The following AQP9 variants were observed in gnomAD, a reference collection of about 807,000 sequenced individuals.
The protein encoded by AQP9 is aquaporin-9.
AQP9 carries 19 observed loss-of-function variants against 23.8 expected under a neutral mutation model. The ratio of observed to expected loss-of-function variants is 0.80; its 90% confidence interval spans 0.56 to 1.17. The LOEUF is 1.17. Among genes scored for constraint, AQP9 ranks in the 50% most tolerant of loss-of-function variants. AQP9 has a pLI of 0.00. For synonymous variants in AQP9, 153 were observed against 131.5 expected (o/e 1.16, Z -1.12); for missense variants, 413 against 362.0 (o/e 1.14, Z -1.14).
Position 58,184,121 on chromosome 15 carries a change from A to G in AQP9, c.874A>G (p.Ser292Gly). 1 of 1,614,088 alleles carries G rather than the reference A, an allele frequency of 6.2e-7. No individual in the cohort carries two copies. The highest frequency in any genetic ancestry group is 8.5e-7 in the Non-Finnish European group (1 of 1,179,956). ...SEDKPEKYEL[S>G]VIM ...GGACAAACCAGAGAAATATGAACTC[A>G]GTGTCATCATGTAGTGGCATGCTCA... The change falls in exon 6 of 6, where the codon AGT becomes GGT. Residue 292 changes from serine (S) to glycine (G), a missense_variant. Ser to Gly is a moderately conservative substitution (Grantham distance 56). Coordinates refer to ENST00000219919, the MANE Select transcript of AQP9 (RefSeq NM_020980.5).
chr15:58,180,893 G>T (rs1156320898), intron 5 of AQP9, among the ~76,000 whole-genome samples: 3 of 152,210 alleles, frequency 2.0e-5, no homozygotes, highest in African/African-American at 7.2e-5. Flanking sequence ...ACACGAAAAT[G>T]TCCGCAACTA....
intron 1 of AQP9, chr15:58,164,113 G>A (rs1203461401): frequency 2.6e-5 from 4 of 152,282 alleles, no homozygotes; most frequent in Admixed American, 1.3e-4. Flanking sequence ...ACACAGCATT[G>A]ATTATCCTCC....
intron 4 of AQP9, among the ~76,000 whole-genome samples, chr15:58,176,803 G>T (rs1363222491): frequency 6.6e-6 from 1 of 151,860 alleles, no homozygotes; most frequent in Non-Finnish European, 1.5e-5. Context: ...TAGAGACGGG[G>T]TTTCACCATG....
chr15:58,167,893 T>G (rs1470101999), intron 2 of AQP9, among the ~76,000 whole-genome samples: 3 of 152,054 alleles, frequency 2.0e-5, no homozygotes, highest in Non-Finnish European at 4.4e-5. Context: ...TGGCTAATTA[T>G]TTTGTATTTT....
chr15:58,167,350 G>T (rs549949081), intron 2 of AQP9, among the ~76,000 whole-genome samples: 1 of 152,220 alleles, frequency 6.6e-6, no homozygotes, highest in South Asian at 2.1e-4. Flanking sequence ...ATTTAATGCA[G>T]TCTGGGCACT....
chr15:58,160,316 T>A (rs1898348848), intron 1 of AQP9, among the ~76,000 whole-genome samples: 1 of 152,148 alleles, frequency 6.6e-6, no homozygotes, highest in Admixed American at 6.6e-5. Flanking sequence ...ACTACTCAGA[T>A]CTTTTGCCCG....
intron 1 of AQP9, among the ~76,000 whole-genome samples, chr15:58,156,490 C>A (rs991406107): frequency 6.6e-6 from 1 of 152,174 alleles, no homozygotes; most frequent in Admixed American, 6.5e-5. Flanking sequence ...TACTAAAAAT[C>A]CTTAACATTA....
Position 58,179,287 on chromosome 15 carries a change from C to A in AQP9, c.655C>A (p.Arg219=). The A allele has an allele frequency of 6.2e-7, 1 of 1,614,092 alleles. No individual in the cohort carries two copies. Among genetic ancestry groups the A allele is most frequent in the Non-Finnish European group, 8.5e-7 (1 of 1,180,014 alleles). Residue 219 remains arginine (R), a synonymous_variant, in exon 5 of 6, where the codon CGA becomes AGA. Coordinates refer to ENST00000219919, the MANE Select transcript of AQP9 (RefSeq NM_020980.5). The part of the protein sequence containing the change: ...LNSGCAMNPA[R]DLSPRLFTAL... ...CAGTGGCTGTGCCATGAACCCAGCT[C>A]GAGACCTGAGTCCCAGACTTTTCAC...
intron 2 of AQP9, among the ~76,000 whole-genome samples, chr15:58,171,854 T>TCAG (rs1898631939): frequency 6.6e-6 from 1 of 151,852 alleles, no homozygotes; most frequent in African/African-American, 2.4e-5. Flanking sequence ...ATCATCATCA[T>TCAG]CATCATCATC....
chr15:58,159,678 C>A (rs1389320914), intron 1 of AQP9, among the ~76,000 whole-genome samples: 1 of 152,096 alleles, frequency 6.6e-6, no homozygotes, highest in African/African-American at 2.4e-5. Flanking sequence ...CTTTCTTGAC[C>A]TCTAGTAACT....
chr15:58,160,628 A>G (rs533844339), intron 1 of AQP9, among the ~76,000 whole-genome samples: 1 of 127,834 alleles, frequency 7.8e-6, no homozygotes, highest in East Asian at 2.6e-4. Context: ...GTTTTCCTCC[A>G]ATTAACCTGA....
Position 58,184,276 on chromosome 15 carries a change from G to C in AQP9, c.*141G>C, listed in dbSNP as rs1898964392. 3 of 845,920 alleles carry C rather than the reference G, an allele frequency of 3.5e-6. No homozygotes were observed. 52.4% of individuals were successfully genotyped at this position (845,920 alleles called of 1,614,324 possible). ...CCATATGGGACATCTAATTGGAAAA[G>C]CATCTGCATAAAAGTTTGGAAACAA... is the stretch of plus-strand genomic sequence containing the variant. On this transcript the variant is annotated 3_prime_UTR_variant, in exon 6 of 6. Coordinates refer to ENST00000219919, the MANE Select transcript of AQP9 (RefSeq NM_020980.5).
rs773379575 is a variant in AQP9, at chr15:58,179,345, G to A, written c.713G>A (p.Arg238Lys). The change falls in exon 5 of 6, where the codon AGA becomes AAA. Residue 238 changes from arginine (R) to lysine (K), a missense_variant and splice_region_variant. Transcript: ENST00000219919. Reference sequence around the variant, plus strand: ...GCAGGCTGGGGGTTTGAAGTCTTCAGGTAAGTAACAGTGGTGGGGAAGAGA... The same window carrying A: ...GCAGGCTGGGGGTTTGAAGTCTTCAAGTAAGTAACAGTGGTGGGGAAGAGA... The part of the protein sequence containing the change: ...ALAGWGFEVF[R>K]AGNNFWWIPV... 1.4e-5 allele frequency: 23 copies of A among 1,610,434 alleles called. No individual in the cohort carries two copies. Among genetic ancestry groups the A allele is most frequent in the Non-Finnish European group, 1.9e-5 (22 of 1,178,316 alleles).
intron 1 of AQP9, among the ~76,000 whole-genome samples, chr15:58,144,835 G>T (rs1394356255): frequency 1.3e-5 from 2 of 151,780 alleles, no homozygotes; most frequent in Non-Finnish European, 2.9e-5. Flanking sequence ...TCAATATGGT[G>T]AAACCCCATC....
chr15:58,162,068 T>C (rs1566985671), intron 1 of AQP9, among the ~76,000 whole-genome samples: 1 of 152,196 alleles, frequency 6.6e-6, no homozygotes, highest in Non-Finnish European at 1.5e-5. Flanking sequence ...TAACATTCCA[T>C]GGCTAAGTGT....
At chr15:58,144,065 A>G (rs544833662) in intron 1 of AQP9, among the ~76,000 whole-genome samples, 6 of 152,352 alleles carry the variant, frequency 3.9e-5, no homozygotes, top group Admixed American at 6.5e-5. Flanking sequence ...ATTGTACTCA[A>G]TTCCAGTGCA....
chr15:58,147,079 A>C (rs72743561), intron 1 of AQP9, among the ~76,000 whole-genome samples: 6,838 of 152,276 alleles, frequency 0.045, 182 homozygotes, highest in Non-Finnish European at 0.057. Context: ...TCCGTTCTGG[A>C]TCACTGATCT....
At chr15:58,146,675 C>T (rs1325742832) in intron 1 of AQP9, 1 of 152,010 alleles carries the variant, frequency 6.6e-6, no homozygotes, top group African/African-American at 2.4e-5. Context: ...ATTTATTTTT[C>T]CCTGTGGGAA....
intron 2 of AQP9, among the ~76,000 whole-genome samples, chr15:58,169,127 T>C (rs557075703): frequency 6.6e-6 from 1 of 152,288 alleles, no homozygotes; most frequent in East Asian, 1.9e-4. Context: ...TGTGAAGTCT[T>C]CTGTGGCCTC....
Sources: gnomAD v4.1 joint callset for allele counts (sites outside exome capture counted in the v4.1 genomes callset) on GRCh38, gnomAD v4.1.1 for gene constraint, MANE v1.5 for transcripts, NCBI Gene and HGNC (gene_info 2026-07-23, HGNC 2026-07-21) for gene names.